The following EPHA6 variants were observed in gnomAD, a reference collection of about 807,000 sequenced individuals.
EPHA6 encodes the protein ephrin type-A receptor 6.
In EPHA6, 50 loss-of-function variants were observed where a neutral mutation model predicts 112.0. That is an observed-to-expected ratio of 0.45 (90% CI 0.36 to 0.56). The LOEUF is 0.56. EPHA6 is among the 20% of genes least tolerant of loss of function. The probability of loss-of-function intolerance (pLI) is 0.00; values close to 1 mark genes in which losing one functional copy is unlikely to be tolerated. For missense variants in EPHA6, 1,280 were observed against 1,417.4 expected, an observed-to-expected ratio of 0.90 and a Z score of 1.56; for synonymous variants, 529 against 490.7, an observed-to-expected ratio of 1.08 and a Z score of -1.03.
intron 5 of EPHA6, among the ~76,000 whole-genome samples, chr3:97,401,003 A>T (rs1577248448): frequency 6.6e-6 from 1 of 151,926 alleles, no homozygotes; most frequent in African/African-American, 2.4e-5. Context: ...TTCAGTTCTT[A>T]AAGGAAAATC....
intron 11 of EPHA6, among the ~76,000 whole-genome samples, chr3:97,537,280 T>C (rs2092777541): frequency 6.6e-6 from 1 of 152,154 alleles, no homozygotes; most frequent in Admixed American, 6.5e-5. Context: ...GAGGTTCAGC[T>C]CCTAGTTAAG....
At chr3:97,019,480 G>T (rs1358218706) in intron 3 of EPHA6, among the ~76,000 whole-genome samples, 2 of 152,058 alleles carry the variant, frequency 1.3e-5, no homozygotes, top group South Asian at 2.1e-4. Context: ...TTCACGGCTG[G>T]AGCTGTGACT....
chr3:97,377,738 G>T (rs2085454793), intron 5 of EPHA6, among the ~76,000 whole-genome samples: 1 of 152,156 alleles, frequency 6.6e-6, no homozygotes, highest in Non-Finnish European at 1.5e-5. Context: ...GAGACTGGCG[G>T]CATTTTGCCC....
intron 5 of EPHA6, among the ~76,000 whole-genome samples, chr3:97,360,504 A>G (rs1364234611): frequency 6.6e-6 from 1 of 152,178 alleles, no homozygotes; most frequent in African/African-American, 2.4e-5. Flanking sequence ...ATTGTCAGAC[A>G]TTTTGCAGCA....
intron 14 of EPHA6, among the ~76,000 whole-genome samples, chr3:97,689,873 A>T (rs1000182373): frequency 1.3e-5 from 2 of 152,162 alleles, no homozygotes; most frequent in African/African-American, 4.8e-5. Context: ...GACAAATGGG[A>T]TCACCCAACA....
At chr3:97,525,188 CT>C (rs938034384) in intron 10 of EPHA6, among the ~76,000 whole-genome samples, 1 of 151,964 alleles carries the variant, frequency 6.6e-6, no homozygotes, top group Admixed American at 6.6e-5. Context: ...CTTTTTTGAT[CT>C]TTTTTTAATT....
chr3:97,085,673 A>G (rs931218372), intron 3 of EPHA6, among the ~76,000 whole-genome samples: 2 of 152,028 alleles, frequency 1.3e-5, no homozygotes, highest in African/African-American at 2.4e-5. Context: ...AAATAGAGTA[A>G]TAGTATGAGG....
At chr3:97,176,203 T>G (rs2076830873) in intron 3 of EPHA6, among the ~76,000 whole-genome samples, 1 of 151,982 alleles carries the variant, frequency 6.6e-6, no homozygotes, top group South Asian at 2.1e-4. Flanking sequence ...GTCATGTTGA[T>G]TTATTTGCAT....
chr3:96,990,554 A>G (rs1452458047), intron 3 of EPHA6, among the ~76,000 whole-genome samples: 1 of 152,172 alleles, frequency 6.6e-6, no homozygotes. Context: ...TCACCTAAAG[A>G]TGAAATACAT....
intron 3 of EPHA6, among the ~76,000 whole-genome samples, chr3:97,046,350 C>T (rs151255392): frequency 6.6e-6 from 1 of 152,130 alleles, no homozygotes; most frequent in East Asian, 1.9e-4. Flanking sequence ...GCAGAAAATT[C>T]CTTTGATAGA....
At chr3:97,037,885 CAA>C (rs1237375724) in intron 3 of EPHA6, among the ~76,000 whole-genome samples, 1 of 151,884 alleles carries the variant, frequency 6.6e-6, no homozygotes, top group Non-Finnish European at 1.5e-5. Flanking sequence ...TGTGATAAAA[CAA>C]GGGTATGATG....
chr3:97,063,220 A>G (rs969738464), intron 3 of EPHA6, among the ~76,000 whole-genome samples: 1 of 152,224 alleles, frequency 6.6e-6, no homozygotes, highest in Non-Finnish European at 1.5e-5. Context: ...AATGGAATAT[A>G]AATCTTTCTA....
Position 97,748,696 on chromosome 3 carries a change from G to A in EPHA6, c.3388G>A (p.Val1130Ile). The change falls in exon 18 of 18, where the codon GTA becomes ATA. Residue 1130 changes from valine (V) to isoleucine (I), a missense_variant. Transcript: ENST00000389672. ...GCACATACAGGAGAAGGGATTTCATGTATGAAAGTACCACAAGCACCTGTG... is the reference window on the plus strand; with the variant it reads ...GCACATACAGGAGAAGGGATTTCATATATGAAAGTACCACAAGCACCTGTG... ...MMHIQEKGFHV is the reference protein window; with the variant it reads ...MMHIQEKGFHI 6.5e-7 allele frequency: 1 copy of A among 1,546,470 alleles called. No individual in the cohort carries two copies. Among genetic ancestry groups the A allele is most frequent in the Non-Finnish European group, 8.9e-7 (1 of 1,119,140 alleles).
At chr3:97,332,820 T>C (rs7646315) in intron 5 of EPHA6, among the ~76,000 whole-genome samples, 1,749 of 152,252 alleles carry the variant, frequency 0.011, 36 homozygotes, top group African/African-American at 0.038. Context: ...CATTGATTTA[T>C]ACATCTATAG....
intron 1 of EPHA6, among the ~76,000 whole-genome samples, chr3:96,834,505 G>A (rs1312222892): frequency 6.6e-6 from 1 of 151,972 alleles, no homozygotes; most frequent in African/African-American, 2.4e-5. Flanking sequence ...TCAAGACGTC[G>A]GAGTTGCTCT....
intron 2 of EPHA6, among the ~76,000 whole-genome samples, chr3:96,974,039 CAATA>C (rs909631881): frequency 6.4e-4 from 92 of 142,648 alleles, no homozygotes; most frequent in Non-Finnish European, 1.2e-3. Context: ...GTTATTAATA[CAATA>C]AATATATATA....
intron 3 of EPHA6, among the ~76,000 whole-genome samples, chr3:97,051,017 G>A (rs1040984894): frequency 6.6e-6 from 1 of 152,076 alleles, no homozygotes; most frequent in Non-Finnish European, 1.5e-5. Flanking sequence ...ATGAAAATAT[G>A]GATGTTGTCA....
chr3:97,182,018 T>C (rs1401505346), intron 3 of EPHA6, among the ~76,000 whole-genome samples: 1 of 152,096 alleles, frequency 6.6e-6, no homozygotes, highest in African/African-American at 2.4e-5. Flanking sequence ...TGGAGAAGTA[T>C]AACTGCCAAA....
intron 14 of EPHA6, among the ~76,000 whole-genome samples, chr3:97,655,482 A>G (rs1222685831): frequency 6.6e-6 from 1 of 151,938 alleles, no homozygotes; most frequent in African/African-American, 2.4e-5. Context: ...GGTGCATAGT[A>G]TTCCATGGTG....
Sources: gnomAD v4.1 joint callset for allele counts (sites outside exome capture counted in the v4.1 genomes callset) on GRCh38, gnomAD v4.1.1 for gene constraint, MANE v1.5 for transcripts, NCBI Gene and HGNC (gene_info 2026-07-23, HGNC 2026-07-21) for gene names.